The following FAF1 variants were observed in gnomAD, a reference collection of about 807,000 sequenced individuals.
FAF1 encodes FAS-associated factor 1.
A neutral mutation model predicts 92.5 loss-of-function variants in FAF1; 25 were observed. That is an observed-to-expected ratio of 0.27 (90% CI 0.20 to 0.38). The LOEUF is 0.38. Ranked by LOEUF, FAF1 falls within the 10% of genes least tolerant of loss-of-function variation. FAF1 has a pLI of 1.00. For missense variants in FAF1, 636 were observed against 793.3 expected, an observed-to-expected ratio of 0.80 and a Z score of 2.38; for synonymous variants, 234 against 273.2, an observed-to-expected ratio of 0.86 and a Z score of 1.42.
Position 50,655,225 on chromosome 1 carries a change from T to C in FAF1, c.744+217A>G, listed in dbSNP as rs1655053812. Among the ~76,000 whole-genome samples the C allele has an allele frequency of 6.6e-5, 10 of 152,330 alleles. No individual in the cohort carries two copies. In the South Asian group the frequency reaches 2.1e-3, roughly 32 times the overall value. ...TCAGTAGAGATGGGGTTTCACCATG[T>C]TGGCCAGGTTGGTCTCAAACTCCTG... On this transcript the variant is annotated intron_variant, in intron 8 of 18. Coordinates refer to ENST00000396153, the MANE Select transcript of FAF1 (RefSeq NM_007051.3).
At position 50,513,627 on chromosome 1, in the gene FAF1, A is replaced by C. The variant is rs149213426; in HGVS notation, c.1494+21742T>G. On this transcript the variant is annotated intron_variant, in intron 15 of 18. Coordinates refer to ENST00000396153, the MANE Select transcript of FAF1 (RefSeq NM_007051.3). Reference sequence around the variant, plus strand: ...TCACCAAATCTACCATTAACTAAGTAAGTATTTGCAAAGGAAAATGTACTA... The same window carrying C: ...TCACCAAATCTACCATTAACTAAGTCAGTATTTGCAAAGGAAAATGTACTA... Among the ~76,000 whole-genome samples, 187 of 152,338 alleles carry C rather than the reference A, an allele frequency of 1.2e-3. 2 individuals are homozygous for C. In the East Asian group the frequency reaches 0.032, roughly 26 times the overall value.
chr1:50,901,582 A>G (rs1644796647), intron 1 of FAF1, among the ~76,000 whole-genome samples: 1 of 152,148 alleles, frequency 6.6e-6, no homozygotes, highest in East Asian at 1.9e-4. Flanking sequence ...TTGGCTGGCC[A>G]CAGTGGCTCA....
chr1:50,661,169 T>C (rs1655357021), intron 7 of FAF1, among the ~76,000 whole-genome samples: 1 of 152,178 alleles, frequency 6.6e-6, no homozygotes, highest in East Asian at 1.9e-4. Context: ...ACTTTTATTA[T>C]ACTTTTTAAA....
rs1485766412 is a variant in FAF1 at position 50,746,266 on chromosome 1, ATATATATATATATATATATATATATATT to A, written c.368-1519_368-1492del. Among the ~76,000 whole-genome samples the A allele has an allele frequency of 4.7e-3, 97 of 20,672 alleles. 1 individual carries two copies. The highest frequency in any genetic ancestry group is 0.019 in the African/African-American group (94 of 5,024). 13.6% of individuals were successfully genotyped at this position (20,672 alleles called of 152,430 possible). On this transcript the variant is annotated intron_variant, in intron 4 of 18. Transcript: ENST00000396153. The stretch of plus-strand genomic sequence containing the variant: ...AACGAACATATATATATATATATAT[ATATATATATATATATATATATATATATT>A]TTTTTTTTTTTTTTTTTTTTTTTTT...
At chr1:50,874,577 T>C (rs1644554187) in intron 1 of FAF1, among the ~76,000 whole-genome samples, 1 of 152,066 alleles carries the variant, frequency 6.6e-6, no homozygotes, top group South Asian at 2.1e-4. Context: ...TAGGCTGGTC[T>C]TGAGGTACTG....
intron 4 of FAF1, among the ~76,000 whole-genome samples, chr1:50,785,838 ACTCCC>A (rs1661341576): frequency 2.0e-5 from 3 of 152,072 alleles, no homozygotes; most frequent in African/African-American, 7.2e-5. Flanking sequence ...AAATATCCAC[ACTCCC>A]ATGGCTGGGC....
At chr1:50,683,974 C>T (rs891941019) in intron 7 of FAF1, among the ~76,000 whole-genome samples, 5 of 150,884 alleles carry the variant, frequency 3.3e-5, no homozygotes, top group Non-Finnish European at 7.4e-5. Flanking sequence ...CAAGACATTA[C>T]ATTTTTTATT....
At chr1:50,476,374 C>T (rs1002744441) in intron 17 of FAF1, among the ~76,000 whole-genome samples, 6 of 152,310 alleles carry the variant, frequency 3.9e-5, no homozygotes, top group East Asian at 1.9e-4. Flanking sequence ...GCCACTAACT[C>T]GCTATGGGAT....
chr1:50,713,949 T>G (rs1658061509), intron 6 of FAF1, among the ~76,000 whole-genome samples: 1 of 151,284 alleles, frequency 6.6e-6, no homozygotes, highest in African/African-American at 2.4e-5. Flanking sequence ...TTTTTTGTAT[T>G]TTTAGTTGAG....
At chr1:50,849,774 T>C (rs1038866100) in intron 2 of FAF1, among the ~76,000 whole-genome samples, 3 of 152,186 alleles carry the variant, frequency 2.0e-5, no homozygotes, top group Admixed American at 1.3e-4. Flanking sequence ...GGTAACAACA[T>C]AGCATTACAT....
intron 1 of FAF1, among the ~76,000 whole-genome samples, chr1:50,879,344 A>T (rs1387737007): frequency 6.6e-6 from 1 of 152,190 alleles, no homozygotes; most frequent in Non-Finnish European, 1.5e-5. Flanking sequence ...AACCAAATGG[A>T]ATTTGGTAAC....
intron 8 of FAF1, among the ~76,000 whole-genome samples, chr1:50,604,307 A>G (rs1234862107): frequency 6.6e-6 from 1 of 152,164 alleles, no homozygotes; most frequent in East Asian, 1.9e-4. Context: ...CTTCTCTTAA[A>G]CTTCTATCAG....
At chr1:50,872,631 T>A (rs1454317302) in intron 1 of FAF1, among the ~76,000 whole-genome samples, 1 of 152,166 alleles carries the variant, frequency 6.6e-6, no homozygotes, top group East Asian at 1.9e-4. Flanking sequence ...GCGCGGTGGC[T>A]CATGCCTATA....
rs149144829 is a variant in FAF1 at position 50,833,003 on chromosome 1, TGCTGTTATG to T, written c.114+24917_114+24925del. On this transcript the variant is annotated intron_variant, in intron 2 of 18. Coordinates refer to ENST00000396153, the MANE Select transcript of FAF1 (RefSeq NM_007051.3). ...TGCAGAGAAGACAATCACTCTACCA[TGCTGTTATG>T]GCCTTTTTTTCCCCCTTACACCAAC... 8.0e-3 allele frequency among the ~76,000 whole-genome samples: 1,224 copies of T among 152,294 alleles called. 14 individuals are homozygous for T. Among genetic ancestry groups the T allele is most frequent in the African/African-American group, 0.028 (1,183 of 41,558 alleles).
intron 8 of FAF1, among the ~76,000 whole-genome samples, chr1:50,632,151 A>G (rs1173290948): frequency 2.6e-5 from 4 of 152,208 alleles, no homozygotes; most frequent in East Asian, 3.8e-4. Context: ...AGTAAGGGGT[A>G]CGATGAACAC....
At chr1:50,891,650 G>A (rs1644721114) in intron 1 of FAF1, among the ~76,000 whole-genome samples, 1 of 152,220 alleles carries the variant, frequency 6.6e-6, no homozygotes, top group African/African-American at 2.4e-5. Flanking sequence ...CTGGGTTTCA[G>A]CAGCAGAGGC....
chr1:50,926,386 T>C (rs1463301426), intron 1 of FAF1, among the ~76,000 whole-genome samples: 1 of 152,086 alleles, frequency 6.6e-6, no homozygotes, highest in Non-Finnish European at 1.5e-5. Context: ...TCTGAGCTCA[T>C]GGAATTAGAG....
Position 50,660,040 on chromosome 1 carries a change from C to T in FAF1, c.658-4512G>A, listed in dbSNP as rs555769828. Among the ~76,000 whole-genome samples the T allele has an allele frequency of 9.9e-5, 15 of 152,226 alleles. No homozygotes were observed. In the East Asian group the frequency reaches 1.5e-3, roughly 16 times the overall value. ...TCCTCAATGTCTGTGGGAATTTCAA[C>T]GCTAAACACAGCACTGGGGGAAAGA... On this transcript the variant is annotated intron_variant, in intron 7 of 18. Coordinates refer to ENST00000396153, the MANE Select transcript of FAF1 (RefSeq NM_007051.3).
chr1:50,681,674 ATTTTT>A (rs1211289812), intron 7 of FAF1, among the ~76,000 whole-genome samples: 1 of 131,966 alleles, frequency 7.6e-6, no homozygotes, highest in African/African-American at 2.8e-5. Flanking sequence ...TGTAATCCCT[ATTTTT>A]TTTTTTTTTT....
Sources: allele counts gnomAD v4.1 joint callset (sites outside exome capture counted in the v4.1 genomes callset), GRCh38; gene constraint gnomAD v4.1.1; transcripts MANE v1.5; gene names NCBI Gene and HGNC (gene_info 2026-07-23, HGNC 2026-07-21).